The following NDUFA5 variants were observed in gnomAD, a reference collection of about 807,000 sequenced individuals.
The protein encoded by NDUFA5 is NADH dehydrogenase [ubiquinone] 1 alpha subcomplex subunit 5.
Under a neutral mutation model 19.8 loss-of-function variants are expected in NDUFA5, and 11 were observed. The observed-to-expected ratio is 0.56, with a 90% CI of 0.35 to 0.92. NDUFA5 has a LOEUF of 0.92. NDUFA5 is among the 40% of genes least tolerant of loss of function. The pLI is 0.01. For missense variants in NDUFA5, 109 were observed against 134.2 expected (o/e 0.81, Z 0.93); for synonymous variants, 47 against 46.8 (o/e 1.00, Z -0.01).
At chr7:123,547,266 C>T (rs776718067) in intron 3 of NDUFA5, among the ~76,000 whole-genome samples, 1 of 152,168 alleles carries the variant, frequency 6.6e-6, no homozygotes, top group African/African-American at 2.4e-5. Flanking sequence ...AATATTACAG[C>T]AGCCATACGA....
At chr7:123,591,442 T>A in the NDUFA5 span, among the ~76,000 whole-genome samples, 3 of 152,208 alleles carry the variant, frequency 2.0e-5, no homozygotes, top group Non-Finnish European at 2.9e-5. Flanking sequence ...GGGTTTGTCA[T>A]AAATAGCTCT....
the NDUFA5 span, among the ~76,000 whole-genome samples, chr7:123,565,227 C>G: frequency 6.6e-6 from 1 of 152,180 alleles, no homozygotes; most frequent in Non-Finnish European, 1.5e-5. Flanking sequence ...TTTCTTCTGT[C>G]TCTTTGTTCA....
At chr7:123,583,604 AC>A in the NDUFA5 span, among the ~76,000 whole-genome samples, 437 of 152,148 alleles carry the variant, frequency 2.9e-3, 4 homozygotes, top group African/African-American at 9.8e-3. Context: ...TAAATCAACA[AC>A]CCTTAGTCAT....
chr7:123,546,541 G>A (rs1798139301), intron 3 of NDUFA5: 1 of 543,648 alleles, frequency 1.8e-6, no homozygotes, highest in Non-Finnish European at 2.8e-6. Flanking sequence ...CTAGTAAACT[G>A]AGCTTTTTGA....
At position 123,542,104 on chromosome 7, in the gene NDUFA5, A is replaced by G. The variant is rs183266055; in HGVS notation, c.*15T>C. The G allele has an allele frequency of 8.3e-5, 132 of 1,581,532 alleles. No individual in the cohort carries two copies. In the Admixed American group the frequency reaches 2.2e-3, roughly 27 times the overall value. ...TACATCAGTTTCCCATGAACACACC[A>G]AAGTCACTTAATAATTATATTGGCC... On this transcript the variant is annotated 3_prime_UTR_variant, in exon 5 of 5. Coordinates refer to ENST00000355749, the MANE Select transcript of NDUFA5 (RefSeq NM_005000.5).
At chr7:123,595,515 G>A in the NDUFA5 span, among the ~76,000 whole-genome samples, 2 of 152,210 alleles carry the variant, frequency 1.3e-5, no homozygotes, top group East Asian at 1.9e-4. Flanking sequence ...ACCAACTATC[G>A]TCATGCTTAT....
In NDUFA5 at chr7:123,555,336, C is replaced by G. The variant is rs570123794; in HGVS notation, c.66+2068G>C. The G allele has an allele frequency of 3.3e-5, 5 of 152,174 alleles. No individual in the cohort carries two copies. In the South Asian group the frequency reaches 8.3e-4, roughly 25 times the overall value. 9.4% of individuals were successfully genotyped at this position (152,174 alleles called of 1,614,324 possible). A position where few individuals can be genotyped will look rare whatever the true frequency, so the allele number is the denominator to read the frequency against. On this transcript the variant is annotated intron_variant, in intron 2 of 4. Coordinates refer to ENST00000355749, the MANE Select transcript of NDUFA5 (RefSeq NM_005000.5). ...AGAAAGGCCAGTAAGGAGGTTGTTG[C>G]AATTCTCTAAACAAGAACAAGGACC... is the stretch of plus-strand genomic sequence containing the variant.
chr7:123,550,326 G>C lies in NDUFA5; in HGVS notation c.183+144C>G, dbSNP rs543685182. On this transcript the variant is annotated intron_variant, in intron 3 of 4. Coordinates refer to ENST00000355749, the MANE Select transcript of NDUFA5 (RefSeq NM_005000.5). ...GAAAACACTCAATAAACAAGAGTTT[G>C]CTGAATAAAAGGGAGGAATGATGGG... The C allele has an allele frequency of 3.1e-5, 19 of 615,858 alleles. No homozygotes were observed. In the African/African-American group the frequency reaches 3.6e-4, roughly 12 times the overall value. The allele number at this position is 615,858 out of a possible 1,614,324, so 38.1% of individuals were successfully genotyped here. A position where few individuals can be genotyped will look rare whatever the true frequency, so the allele number is the denominator to read the frequency against.
At chr7:123,545,478 T>A (rs1455742637) in intron 4 of NDUFA5, 133 bp downstream of exon 4, 3 of 678,896 alleles carry the variant, frequency 4.4e-6, no homozygotes, top group Non-Finnish European at 5.1e-6. Context: ...AGCACCACAT[T>A]TTCTATATGT....
intron 2 of NDUFA5, chr7:123,557,044 G>A (rs1236257186): frequency 1.2e-5 from 6 of 508,000 alleles, no homozygotes; most frequent in African/African-American, 5.8e-5. Context: ...CCTTTAGTAA[G>A]CCTAAATATA....
At chr7:123,568,524 G>GAAA in the NDUFA5 span, among the ~76,000 whole-genome samples, 2 of 87,584 alleles carry the variant, frequency 2.3e-5, no homozygotes, top group Admixed American at 1.2e-4. Flanking sequence ...TCCATCTCAA[G>GAAA]AAAAAAAAAA....
At chr7:123,542,303 G>A in intron 4 of NDUFA5, 83 bp from the exon 5 acceptor site, 2 of 942,110 alleles carry the variant, frequency 2.1e-6, no homozygotes, top group Non-Finnish European at 3.2e-6. Context: ...TTAACTATTA[G>A]TTACTACTTT....
At chr7:123,586,638 G>A in the NDUFA5 span, among the ~76,000 whole-genome samples, 15 of 151,690 alleles carry the variant, frequency 9.9e-5, no homozygotes, top group East Asian at 2.7e-3. Context: ...CAAGTCCATT[G>A]TCAAGTACAC....
At chr7:123,542,555 CTT>C (rs1797979453) in intron 4 of NDUFA5, among the ~76,000 whole-genome samples, 2 of 152,148 alleles carry the variant, frequency 1.3e-5, no homozygotes, top group South Asian at 4.1e-4. Flanking sequence ...GGCTTTCAAA[CTT>C]TATTTTACCA....
intron 3 of NDUFA5, among the ~76,000 whole-genome samples, chr7:123,547,933 G>C (rs1191167308): frequency 6.6e-6 from 1 of 151,858 alleles, no homozygotes; most frequent in African/African-American, 2.4e-5. Context: ...AAGTGTTCGA[G>C]GTGGGTATTA....
At chr7:123,560,568 T>G (rs1798676149), upstream of NDUFA5, among the ~76,000 whole-genome samples, 1 of 152,218 alleles carries the variant, frequency 6.6e-6, no homozygotes, top group Non-Finnish European at 1.5e-5. Flanking sequence ...AGAAATGTAT[T>G]TCTCACAGTT....
At chr7:123,598,056 ACATGTCCCACC>A in the NDUFA5 span, among the ~76,000 whole-genome samples, 1 of 151,930 alleles carries the variant, frequency 6.6e-6, no homozygotes, top group African/African-American at 2.4e-5. Flanking sequence ...GACTAGAACC[ACATGTCCCACC>A]CATCATGACA....
the NDUFA5 span, among the ~76,000 whole-genome samples, chr7:123,578,952 G>A: frequency 3.3e-5 from 5 of 152,008 alleles, no homozygotes; most frequent in Non-Finnish European, 7.4e-5. Flanking sequence ...ATGCAGGTTT[G>A]TTACATGGAT....
chr7:123,587,704 C>T, the NDUFA5 span, among the ~76,000 whole-genome samples: 1 of 151,620 alleles, frequency 6.6e-6, no homozygotes, highest in Non-Finnish European at 1.5e-5. Flanking sequence ...TGTTGAGGTA[C>T]ATTCTTTCTA....
Sources: allele counts gnomAD v4.1 joint callset (sites outside exome capture counted in the v4.1 genomes callset), GRCh38; gene constraint gnomAD v4.1.1; transcripts MANE v1.5; gene names NCBI Gene and HGNC (gene_info 2026-07-23, HGNC 2026-07-21).